The following DDX46 variants were observed in gnomAD, a reference collection of about 807,000 sequenced individuals.
DDX46 encodes probable ATP-dependent RNA helicase DDX46.
A neutral mutation model predicts 134.9 loss-of-function variants in DDX46; 30 were observed. The ratio of observed to expected loss-of-function variants is 0.22; its 90% CI spans 0.17 to 0.30. DDX46 has a LOEUF of 0.30. Ranked by LOEUF, DDX46 falls within the 10% of genes least tolerant of loss-of-function variation. The pLI is 1.00. For synonymous variants in DDX46, 415 were observed against 404.1 expected (o/e 1.03, Z -0.32); for missense variants, 622 against 1,248.7 (o/e 0.50, Z 7.56).
At chr5:134,762,795 G>A (rs1307694814) in intron 1 of DDX46, among the ~76,000 whole-genome samples, 1 of 152,064 alleles carries the variant, frequency 6.6e-6, no homozygotes, top group African/African-American at 2.4e-5. Context: ...AGTGGCCCAA[G>A]CCTGTAATCC....
In DDX46 at chr5:134,826,811, A is replaced by G. The variant is rs564731200; in HGVS notation, c.2978-136A>G. Reference sequence around the variant, plus strand: ...TAATGTGGGTAATGTTCCACCAGGCATTAAATGGCTATCTTGGCAGGCAGT... The same window carrying G: ...TAATGTGGGTAATGTTCCACCAGGCGTTAAATGGCTATCTTGGCAGGCAGT... On this transcript the variant is annotated intron_variant, in intron 21 of 22. Transcript: ENST00000452510. 54 of 695,076 alleles carry G rather than the reference A, an allele frequency of 7.8e-5. No individual in the cohort carries two copies. The South Asian group carries it at 1.3e-3, about 17-fold the overall frequency. The allele number at this position is 695,076 out of a possible 1,614,324, so 43.1% of individuals were successfully genotyped here. A position where few individuals can be genotyped will look rare whatever the true frequency, so the allele number is the denominator to read the frequency against.
intron 1 of DDX46, among the ~76,000 whole-genome samples, chr5:134,760,959 G>C (rs1580765309): frequency 6.6e-6 from 1 of 152,196 alleles, no homozygotes; most frequent in South Asian, 2.1e-4. Context: ...TCGATCTCCT[G>C]ACCTTGTGAT....
At chr5:134,819,694 C>CTT (rs76529794) in intron 21 of DDX46, among the ~76,000 whole-genome samples, 2 of 144,000 alleles carry the variant, frequency 1.4e-5, no homozygotes, top group South Asian at 2.2e-4. Context: ...CCACACCTGA[C>CTT]TTTTTTTTTT....
chr5:134,795,400 C>T (rs1323726903), intron 14 of DDX46, among the ~76,000 whole-genome samples: 1 of 151,850 alleles, frequency 6.6e-6, no homozygotes, highest in Non-Finnish European at 1.5e-5. Flanking sequence ...CTGTCCAGGG[C>T]AGAAAAACAG....
chr5:134,823,157 CTTTTTTTTTTT>C (rs201053941), intron 21 of DDX46, among the ~76,000 whole-genome samples: 7 of 111,220 alleles, frequency 6.3e-5, no homozygotes, highest in Admixed American at 2.8e-4. Context: ...TTAATTTCAT[CTTTTTTTTTTT>C]TTTTTTTTTT....
In DDX46 at chr5:134,764,123, G is replaced by T. The variant is rs368844698; in HGVS notation, c.206+31G>T. 2.5e-6 allele frequency: 4 copies of T among 1,576,630 alleles called. No homozygotes were observed. In the African/African-American group the frequency reaches 5.5e-5, roughly 21 times the overall value. On this transcript the variant is annotated intron_variant, in intron 2 of 22. Coordinates refer to ENST00000452510, the MANE Select transcript of DDX46 (RefSeq NM_001300860.2). ...ACATTAATTAATTTCCAAAAGACGA[G>T]TGATAAATTGGGCCTTCTCGGCTAT...
intron 21 of DDX46, among the ~76,000 whole-genome samples, chr5:134,820,401 C>T (rs1018178135): frequency 4.6e-5 from 7 of 151,986 alleles, no homozygotes; most frequent in African/African-American, 1.5e-4. Flanking sequence ...AGCACTCTAT[C>T]GCCCAGGCTG....
chr5:134,810,922 C>A (rs1327166475), intron 16 of DDX46, among the ~76,000 whole-genome samples: 1 of 152,038 alleles, frequency 6.6e-6, no homozygotes, highest in Non-Finnish European at 1.5e-5. Context: ...AGGAGAATCA[C>A]TTGAACCCGG....
intron 16 of DDX46, among the ~76,000 whole-genome samples, chr5:134,810,306 C>G (rs1691848864): frequency 6.6e-6 from 1 of 150,404 alleles, no homozygotes; most frequent in African/African-American, 2.4e-5. Flanking sequence ...AAGGTATGAC[C>G]ACACAATTGT....
intron 9 of DDX46, among the ~76,000 whole-genome samples, chr5:134,783,796 G>A (rs889560032): frequency 3.3e-5 from 5 of 149,840 alleles, no homozygotes; most frequent in East Asian, 2.0e-4. Context: ...TGATCCACCC[G>A]CTGCGGCCTC....
chr5:134,824,790 C>T (rs555715668), intron 21 of DDX46, among the ~76,000 whole-genome samples: 30 of 152,284 alleles, frequency 2.0e-4, no homozygotes, highest in Non-Finnish European at 2.5e-4. Flanking sequence ...TCATCTGTTT[C>T]TAGTTCTGTA....
chr5:134,766,066 A>ATTAG (rs1753558283), intron 2 of DDX46, among the ~76,000 whole-genome samples: 1 of 152,158 alleles, frequency 6.6e-6, no homozygotes, highest in South Asian at 2.1e-4. Context: ...TCATCATGTC[A>ATTAG]TTAGTTACCA....
intron 14 of DDX46, 74 bp downstream of exon 14, chr5:134,795,088 G>A: frequency 6.5e-7 from 1 of 1,538,394 alleles, no homozygotes; most frequent in Non-Finnish European, 8.8e-7. Context: ...TATGATCACT[G>A]TTTGTGAGGT....
intron 11 of DDX46, among the ~76,000 whole-genome samples, chr5:134,788,148 G>T (rs930429099): frequency 2.0e-5 from 3 of 152,040 alleles, no homozygotes; most frequent in African/African-American, 7.2e-5. Context: ...TTTTTCTGAG[G>T]CAGGGTCTTG....
intron 13 of DDX46, among the ~76,000 whole-genome samples, chr5:134,791,603 T>C (rs1263690141): frequency 1.3e-5 from 2 of 151,380 alleles, no homozygotes; most frequent in East Asian, 3.9e-4. Flanking sequence ...AAGAAGATCA[T>C]TGTGAATTGT....
chr5:134,783,625 C>A (rs190790314), intron 9 of DDX46, among the ~76,000 whole-genome samples: 123 of 132,636 alleles, frequency 9.3e-4, no homozygotes, highest in African/African-American at 3.5e-3. Flanking sequence ...TCTTGGCTCA[C>A]TGCAACCTCC....
chr5:134,817,211 C>CT (rs1259147768), intron 19 of DDX46: 1 of 339,500 alleles, frequency 2.9e-6, no homozygotes, highest in Non-Finnish European at 5.3e-6. Flanking sequence ...TTTACTGTGT[C>CT]TGACATCAAG....
chr5:134,771,089 CTCTTTCTTTCTTTCTT>C lies in DDX46; in HGVS notation c.447+92_447+107del. The C allele has an allele frequency of 5.5e-6, 3 of 550,402 alleles. No homozygotes were observed. In the South Asian group the frequency reaches 6.7e-5, roughly 12 times the overall value. The allele number at this position is 550,402 out of a possible 1,614,324, so 34.1% of individuals were successfully genotyped here. ...TCTTTCCCTCTTTCTTTCTTTCTTTCTCTTTCTTTCTTTCTTTTCTGTCTGTCTTTCTTTCTGTCTT... is the reference window on the plus strand; with the variant it reads ...TCTTTCCCTCTTTCTTTCTTTCTTTCTTCTGTCTGTCTTTCTTTCTGTCTT... On this transcript the variant is annotated intron_variant, in intron 4 of 22. Coordinates refer to ENST00000452510, the MANE Select transcript of DDX46 (RefSeq NM_001300860.2).
intron 11 of DDX46, among the ~76,000 whole-genome samples, chr5:134,787,068 G>T (rs979730744): frequency 6.6e-6 from 1 of 151,940 alleles, no homozygotes; most frequent in Non-Finnish European, 1.5e-5. Context: ...GACCACAGAC[G>T]CATGCTACCA....
Sources: gnomAD v4.1 joint callset for allele counts (sites outside exome capture counted in the v4.1 genomes callset) on GRCh38, gnomAD v4.1.1 for gene constraint, MANE v1.5 for transcripts, NCBI Gene and HGNC (gene_info 2026-07-23, HGNC 2026-07-21) for gene names.